Variants in TAFA1 observed in about 807,000 individuals in gnomAD.
The protein encoded by TAFA1 is TAFA chemokine like family member 1.
Under a neutral mutation model 18.5 loss-of-function variants are expected in TAFA1, and 4 were observed. The ratio of observed to expected loss-of-function variants is 0.22; its 90% CI spans 0.11 to 0.49. The LOEUF is 0.49. TAFA1 is among the 20% of genes least tolerant of loss of function. TAFA1 has a pLI of 0.98. For missense variants in TAFA1, 147 were observed against 169.0 expected (o/e 0.87, Z 0.72); for synonymous variants, 56 against 55.2 (o/e 1.01, Z -0.06).
chr3:68,238,965 T>G (rs2107132083), intron 2 of TAFA1, among the ~76,000 whole-genome samples: 1 of 152,278 alleles, frequency 6.6e-6, no homozygotes, highest in South Asian at 2.1e-4. Flanking sequence ...CATATCCCAC[T>G]TTTTTGATTT....
intron 3 of TAFA1, among the ~76,000 whole-genome samples, chr3:68,519,177 G>A (rs902928024): frequency 1.0e-3 from 153 of 152,228 alleles, no homozygotes; most frequent in South Asian, 3.3e-3. Flanking sequence ...GATATTAGAA[G>A]ACGAGGGCCT....
chr3:68,411,755 G>A (rs897622208), intron 2 of TAFA1, among the ~76,000 whole-genome samples: 13 of 152,154 alleles, frequency 8.5e-5, no homozygotes, highest in Non-Finnish European at 1.8e-4. Context: ...TTAGAGCAAA[G>A]TTATGTAAGT....
chr3:68,532,696 G>A (rs1021825068), intron 3 of TAFA1, among the ~76,000 whole-genome samples: 2 of 152,100 alleles, frequency 1.3e-5, no homozygotes, highest in African/African-American at 2.4e-5. Context: ...ATTGATATTA[G>A]CTCATTTTAT....
intron 2 of TAFA1, among the ~76,000 whole-genome samples, chr3:68,052,388 C>A (rs79163355): frequency 0.012 from 1,823 of 152,204 alleles, 37 homozygotes; most frequent in African/African-American, 0.041. Context: ...TCCCCAGGTT[C>A]CTGTGACTAC....
At chr3:68,185,458 T>C (rs1027238195) in intron 2 of TAFA1, among the ~76,000 whole-genome samples, 2 of 152,148 alleles carry the variant, frequency 1.3e-5, no homozygotes, top group South Asian at 4.1e-4. Flanking sequence ...ATTTTCATGG[T>C]TTGCTCCACC....
chr3:68,013,722 A>T (rs970202813), intron 2 of TAFA1, among the ~76,000 whole-genome samples: 2 of 152,184 alleles, frequency 1.3e-5, no homozygotes, highest in African/African-American at 4.8e-5. Flanking sequence ...TGTATAACCT[A>T]ATTGAATTCC....
chr3:68,150,207 C>T (rs1461067939), intron 2 of TAFA1, among the ~76,000 whole-genome samples: 1 of 152,190 alleles, frequency 6.6e-6, no homozygotes, highest in African/African-American at 2.4e-5. Flanking sequence ...CATTAACACA[C>T]ACCTGCAGTT....
chr3:68,439,132 T>C lies in TAFA1; in HGVS notation c.259+21712T>C, dbSNP rs140990524. Among the ~76,000 whole-genome samples the C allele has an allele frequency of 1.7e-3, 255 of 152,198 alleles. 2 individuals carry two copies. Among genetic ancestry groups the C allele is most frequent in the African/African-American group, 6.1e-3 (252 of 41,552 alleles). ...CACTGGGCTACACCATTGGTTTTTC[T>C]CTCCTGAACATGCTTTTTCACTTTT... On this transcript the variant is annotated intron_variant, in intron 3 of 4. Transcript: ENST00000478136.
chr3:68,380,515 C>T (rs1405936334), intron 2 of TAFA1, among the ~76,000 whole-genome samples: 2 of 152,146 alleles, frequency 1.3e-5, no homozygotes, highest in African/African-American at 4.8e-5. Context: ...TCTCTGATGG[C>T]CAGTGATGAT....
chr3:68,167,939 C>A (rs1368342827), intron 2 of TAFA1, among the ~76,000 whole-genome samples: 1 of 151,886 alleles, frequency 6.6e-6, no homozygotes, highest in Non-Finnish European at 1.5e-5. Flanking sequence ...AACAGGAGAA[C>A]CCACGTGTTT....
At chr3:68,292,900 A>C (rs1383190201) in intron 2 of TAFA1, among the ~76,000 whole-genome samples, 1 of 152,166 alleles carries the variant, frequency 6.6e-6, no homozygotes, top group Non-Finnish European at 1.5e-5. Context: ...AACAAACAAA[A>C]ACAATCACTT....
intron 4 of TAFA1, among the ~76,000 whole-genome samples, chr3:68,541,595 AAAC>A (rs1430249238): frequency 1.3e-5 from 2 of 152,122 alleles, no homozygotes; most frequent in Non-Finnish European, 2.9e-5. Context: ...GTAAAAAAAA[AAAC>A]AAAGAAATTT....
At chr3:68,049,170 T>C (rs999821319) in intron 2 of TAFA1, among the ~76,000 whole-genome samples, 5 of 152,212 alleles carry the variant, frequency 3.3e-5, no homozygotes, top group African/African-American at 1.2e-4. Flanking sequence ...ATTACTCATT[T>C]TCTCTAAGAC....
intron 2 of TAFA1, among the ~76,000 whole-genome samples, chr3:68,048,344 A>G (rs959613527): frequency 4.6e-5 from 7 of 152,092 alleles, no homozygotes; most frequent in Non-Finnish European, 1.0e-4. Context: ...GTAGGTAAAT[A>G]TATTCATGGG....
intron 2 of TAFA1, among the ~76,000 whole-genome samples, chr3:68,411,283 A>G (rs1450601133): frequency 6.6e-6 from 1 of 152,184 alleles, no homozygotes; most frequent in Non-Finnish European, 1.5e-5. Context: ...GGAATGTGGG[A>G]CGGTGTGTAT....
intron 2 of TAFA1, among the ~76,000 whole-genome samples, chr3:68,406,719 A>G (rs770274937): frequency 5.9e-5 from 9 of 152,352 alleles, no homozygotes; most frequent in Non-Finnish European, 8.8e-5. Flanking sequence ...ATTTGAAGGC[A>G]GATCTAAGAG....
At chr3:68,408,569 T>G (rs1195654851) in intron 2 of TAFA1, among the ~76,000 whole-genome samples, 2 of 152,156 alleles carry the variant, frequency 1.3e-5, no homozygotes, top group Non-Finnish European at 2.9e-5. Flanking sequence ...ACCGTTTCCT[T>G]CCTATTTTCC....
intron 2 of TAFA1, among the ~76,000 whole-genome samples, chr3:68,187,200 C>T (rs751571797): frequency 2.6e-5 from 4 of 151,840 alleles, no homozygotes; most frequent in Non-Finnish European, 4.4e-5. Flanking sequence ...TTGACATCAC[C>T]TTCTGTTTAT....
chr3:68,362,147 T>A (rs950429497), intron 2 of TAFA1, among the ~76,000 whole-genome samples: 3 of 152,160 alleles, frequency 2.0e-5, no homozygotes, highest in Non-Finnish European at 4.4e-5. Context: ...TATGAATTTA[T>A]AACATACCTA....
Sources: gnomAD v4.1 joint callset for allele counts (sites outside exome capture counted in the v4.1 genomes callset) on GRCh38, gnomAD v4.1.1 for gene constraint, MANE v1.5 for transcripts, NCBI Gene and HGNC (gene_info 2026-07-23, HGNC 2026-07-21) for gene names.